The following ZNF589 variants were observed in gnomAD, a reference collection of about 807,000 sequenced individuals.
ZNF589 encodes KRAB-zinc finger protein SZF1-1.
A neutral mutation model predicts 13.6 loss-of-function variants in ZNF589; 17 were observed. The ratio of observed to expected loss-of-function variants is 1.25; its 90% CI spans 0.86 to 1.88. The LOEUF (loss-of-function observed/expected upper bound fraction) is 1.88, where lower values mean the gene tolerates loss of function less well. Ranked by LOEUF, ZNF589 falls within the 40% of genes most tolerant of loss-of-function variation. ZNF589 has a pLI of 0.00. For missense variants in ZNF589, 407 were observed against 434.0 expected (o/e 0.94, Z 0.55); for synonymous variants, 148 against 161.6 (o/e 0.92, Z 0.64).
intron 1 of ZNF589, among the ~76,000 whole-genome samples, chr3:48,244,939 C>G (rs552407440): frequency 2.6e-5 from 4 of 151,976 alleles, no homozygotes; most frequent in African/African-American, 9.7e-5. Context: ...CTCAGCCTCC[C>G]GAGAAGCTGG....
At position 48,246,447 on chromosome 3, in the gene ZNF589, C is replaced by G. The variant is rs567728690; in HGVS notation, c.44-1178C>G. Among the ~76,000 whole-genome samples the G allele has an allele frequency of 3.0e-4, 46 of 152,228 alleles. 1 individual carries two copies. The highest frequency in any genetic ancestry group is 1.2e-4 in the Non-Finnish European group (8 of 68,018). ...TGCTCTTTTGTAAAATAAGGAATAA[C>G]ATTGACAAGTTTTTAAAACAATATA... On this transcript the variant is annotated intron_variant, in intron 1 of 3. Transcript: ENST00000354698.
At chr3:48,257,866 G>C in intron 2 of ZNF589, 1 of 409,288 alleles carries the variant, frequency 2.4e-6, no homozygotes, top group East Asian at 7.5e-5. Context: ...TGGGGTATTT[G>C]TGTTGATCTC....
intron 2 of ZNF589, chr3:48,256,422 C>T (rs1206783937): frequency 1.4e-5 from 8 of 557,058 alleles, no homozygotes; most frequent in Admixed American, 2.3e-5. Flanking sequence ...AGGCCATGAA[C>T]GCCCTGTTCC....
chr3:48,249,837 T>C (rs768988972), intron 2 of ZNF589, among the ~76,000 whole-genome samples: 2 of 152,124 alleles, frequency 1.3e-5, no homozygotes, highest in Admixed American at 6.6e-5. Flanking sequence ...TTTTGAAATA[T>C]ACAATTCTGG....
Position 48,269,120 on chromosome 3 carries a change from T to C in ZNF589, c.*334T>C. 1 of 689,360 alleles carries C rather than the reference T, an allele frequency of 1.5e-6. No homozygotes were observed. Among genetic ancestry groups the C allele is most frequent in the African/African-American group, 1.8e-5 (1 of 55,370 alleles). The allele number at this position is 689,360 out of a possible 1,614,324, so 42.7% of individuals were successfully genotyped here. On this transcript the variant is annotated 3_prime_UTR_variant, in exon 4 of 4. Coordinates refer to ENST00000354698, the MANE Select transcript of ZNF589 (RefSeq NM_016089.3). ...AGAGAAGCCTTACACGTGCTTTGAGTGTGGGCGAAACTTTAGCCTCAAGTC... is the reference window on the plus strand; with the variant it reads ...AGAGAAGCCTTACACGTGCTTTGAGCGTGGGCGAAACTTTAGCCTCAAGTC...
intron 3 of ZNF589, among the ~76,000 whole-genome samples, chr3:48,267,545 C>T (rs1291757833): frequency 2.0e-5 from 3 of 152,018 alleles, no homozygotes; most frequent in Non-Finnish European, 2.9e-5. Flanking sequence ...TACAGGCGCC[C>T]GTCACTCCAC....
Position 48,268,823 on chromosome 3 carries a change from C to T in ZNF589, c.*37C>T. 1 of 1,580,782 alleles carries T rather than the reference C, an allele frequency of 6.3e-7. No individual in the cohort carries two copies. The highest frequency in any genetic ancestry group is 8.6e-7 in the Non-Finnish European group (1 of 1,164,110). On this transcript the variant is annotated 3_prime_UTR_variant, in exon 4 of 4. Transcript: ENST00000354698. ...TGTAAGGAGATCATGTCTCAACACACACCAGAGGATACATTCAGATGAGAA... is the reference window on the plus strand; with the variant it reads ...TGTAAGGAGATCATGTCTCAACACATACCAGAGGATACATTCAGATGAGAA...
chr3:48,268,069 G>T lies in ZNF589; in HGVS notation c.378G>T (p.Gln126His). The change falls in exon 4 of 4, where the codon CAG becomes CAT. Residue 126 changes from glutamine (Q) to histidine (H), a missense_variant. By Grantham distance (24) the Gln-to-His change is conservative. Coordinates refer to ENST00000354698, the MANE Select transcript of ZNF589 (RefSeq NM_016089.3). The part of the protein sequence containing the change: ...LHPGNPCPED[Q>H]PQSQHPSDKN... ...CAGGAAATCCCTGCCCAGAGGATCA[G>T]CCACAGTCACAACATCCTTCTGATA... is the stretch of plus-strand genomic sequence containing the variant. 6.2e-7 allele frequency: 1 copy of T among 1,614,212 alleles called. No individual in the cohort carries two copies.
chr3:48,256,969 A>G (rs2033910676), intron 2 of ZNF589: 1 of 621,282 alleles, frequency 1.6e-6, no homozygotes, highest in African/African-American at 1.8e-5. Context: ...CTCCACAATG[A>G]TTGATTTTCA....
chr3:48,256,785 G>C (rs192547635), intron 2 of ZNF589: 1 of 1,594,634 alleles, frequency 6.3e-7, no homozygotes, highest in African/African-American at 1.3e-5. Context: ...GCTGTGATAC[G>C]GCCTTCAATT....
intron 2 of ZNF589, among the ~76,000 whole-genome samples, chr3:48,248,761 C>T (rs1403824101): frequency 6.6e-6 from 1 of 152,126 alleles, no homozygotes; most frequent in Non-Finnish European, 1.5e-5. Flanking sequence ...TAAAATAGTA[C>T]AGGGAAAGAC....
rs747976451 is a variant in ZNF589, at chr3:48,268,586, TC to T, written c.897del (p.Glu301ArgfsTer70). On this transcript the variant is annotated frameshift_variant, in exon 4 of 4. Coordinates refer to ENST00000354698, the MANE Select transcript of ZNF589 (RefSeq NM_016089.3). LOFTEE classifies it low-confidence loss of function (END_TRUNC). Reference sequence around the variant, plus strand: ...CCTCCGCAACCACCTGAGTACACACTCCGGGGAGAAACCTTATGTGTGCAGC... The same window carrying T: ...CCTCCGCAACCACCTGAGTACACACTCGGGGAGAAACCTTATGTGTGCAGC... Reference protein sequence around the residue: ...SVLRNHLSTHSGEKPYVCSHC... With the variant: ...SVLRNHLSTHXGEKPYVCSHC... The T allele has an allele frequency of 1.9e-6, 3 of 1,612,828 alleles. No individual in the cohort carries two copies. In the East Asian group the frequency reaches 6.7e-5, roughly 36 times the overall value.
intron 1 of ZNF589, among the ~76,000 whole-genome samples, chr3:48,244,136 CTG>C (rs1280540249): frequency 6.6e-6 from 1 of 152,124 alleles, no homozygotes; most frequent in East Asian, 1.9e-4. Flanking sequence ...TGAGGTTACT[CTG>C]TGTCCCTCAT....
intron 1 of ZNF589, among the ~76,000 whole-genome samples, chr3:48,243,028 G>A (rs548092603): frequency 1.3e-5 from 2 of 151,694 alleles, no homozygotes; most frequent in African/African-American, 2.4e-5. Context: ...AGCCGAGATC[G>A]CATGACTGCA....
intron 3 of ZNF589, 33 bp downstream of exon 3, chr3:48,260,972 T>C (rs1391284210): frequency 1.9e-6 from 3 of 1,612,612 alleles, no homozygotes; most frequent in Non-Finnish European, 2.5e-6. Flanking sequence ...CATTTTTCCA[T>C]TCAAGTATTT....
At chr3:48,247,031 C>T (rs111734734) in intron 1 of ZNF589, among the ~76,000 whole-genome samples, 10 of 151,554 alleles carry the variant, frequency 6.6e-5, no homozygotes, top group South Asian at 2.1e-4. Flanking sequence ...AGTGCAGTGG[C>T]GTGATCTCTG....
At chr3:48,253,569 G>A (rs1336480347) in intron 2 of ZNF589, among the ~76,000 whole-genome samples, 2 of 148,468 alleles carry the variant, frequency 1.3e-5, no homozygotes, top group Non-Finnish European at 3.0e-5. Context: ...GCACCATCTC[G>A]GCTCGCTGCA....
chr3:48,269,474 CG>C lies in ZNF589; in HGVS notation c.*690del. The C allele has an allele frequency of 2.6e-6, 1 of 384,812 alleles. No individual in the cohort carries two copies. The highest frequency in any genetic ancestry group is 2.4e-5 in the South Asian group (1 of 41,744). 23.8% of individuals were successfully genotyped at this position (384,812 alleles called of 1,614,324 possible). On this transcript the variant is annotated 3_prime_UTR_variant, in exon 4 of 4. Coordinates refer to ENST00000354698, the MANE Select transcript of ZNF589 (RefSeq NM_016089.3). ...TGGGGAATGTGGGCGGGGATTTGGC[CG>C]GAAGATACTCCTCAACAGACACTGG...
At chr3:48,242,415 A>G (rs1416835276) in intron 1 of ZNF589, among the ~76,000 whole-genome samples, 3 of 151,914 alleles carry the variant, frequency 2.0e-5, no homozygotes, top group African/African-American at 4.8e-5. Context: ...CCCGGCCCCA[A>G]ATGACTTTGG....
Sources: allele counts gnomAD v4.1 joint callset (sites outside exome capture counted in the v4.1 genomes callset), GRCh38; gene constraint gnomAD v4.1.1; transcripts MANE v1.5; gene names NCBI Gene and HGNC (gene_info 2026-07-23, HGNC 2026-07-21).